The following LMBR1 variants were observed in gnomAD, a reference collection of about 807,000 sequenced individuals.
The protein encoded by LMBR1 is limb region 1 protein homolog.
LMBR1 carries 52 observed loss-of-function variants against 73.9 expected under a neutral mutation model. That is an observed-to-expected ratio of 0.70 (90% CI 0.56 to 0.89). The LOEUF is 0.89. Among genes scored for constraint, LMBR1 ranks in the 40% least tolerant of loss-of-function variants. LMBR1 has a pLI of 0.00. For synonymous variants in LMBR1, 215 were observed against 209.4 expected, an observed-to-expected ratio of 1.03 and a Z score of -0.23; for missense variants, 539 against 579.8, an observed-to-expected ratio of 0.93 and a Z score of 0.72.
In LMBR1 at chr7:156,725,751, A is replaced by G. The variant is rs754877817; in HGVS notation, c.1067+13T>C. On this transcript the variant is annotated intron_variant, in intron 13 of 16. Transcript: ENST00000353442. ...TTGTGGATAGGCTGAACGTTCAGTT[A>G]AAGAAAGGATACAAAATCAAAATGA... 1.2e-6 allele frequency: 2 copies of G among 1,610,270 alleles called. No individual in the cohort carries two copies. Among genetic ancestry groups the G allele is most frequent in the Non-Finnish European group, 1.7e-6 (2 of 1,177,984 alleles).
At chr7:156,789,006 C>A (rs1336892478) in intron 5 of LMBR1, among the ~76,000 whole-genome samples, 1 of 152,140 alleles carries the variant, frequency 6.6e-6, no homozygotes, top group African/African-American at 2.4e-5. Flanking sequence ...AAGATCTCGC[C>A]ATTGCACTCC....
chr7:156,833,281 C>CTGTTTGTTT (rs1837002402), intron 3 of LMBR1, among the ~76,000 whole-genome samples: 1 of 152,208 alleles, frequency 6.6e-6, no homozygotes, highest in African/African-American at 2.4e-5. Flanking sequence ...TCGCTGCTTT[C>CTGTTTGTTT]CATTCAGTTT....
chr7:156,709,826 T>C (rs547685927), intron 15 of LMBR1, among the ~76,000 whole-genome samples: 1 of 151,244 alleles, frequency 6.6e-6, no homozygotes, highest in East Asian at 2.0e-4. Flanking sequence ...AAGATCACAC[T>C]AGCTCCCTAG....
At chr7:156,702,832 A>G (rs573747423) in intron 15 of LMBR1, among the ~76,000 whole-genome samples, 5 of 152,360 alleles carry the variant, frequency 3.3e-5, no homozygotes, top group African/African-American at 9.6e-5. Flanking sequence ...AGCTTTATTC[A>G]CAACTGCCAA....
chr7:156,718,918 C>T (rs1813831438), intron 15 of LMBR1, among the ~76,000 whole-genome samples: 2 of 151,662 alleles, frequency 1.3e-5, no homozygotes, highest in South Asian at 4.2e-4. Flanking sequence ...AAAGGTAAGA[C>T]CTGAAACTGT....
chr7:156,851,541 C>T (rs1796236789), intron 1 of LMBR1, among the ~76,000 whole-genome samples: 2 of 152,146 alleles, frequency 1.3e-5, no homozygotes, highest in Non-Finnish European at 2.9e-5. Flanking sequence ...GACGACTATA[C>T]ACCAGATTAC....
chr7:156,755,210 G>A (rs1048666603), intron 9 of LMBR1, among the ~76,000 whole-genome samples: 32 of 152,240 alleles, frequency 2.1e-4, no homozygotes, highest in African/African-American at 6.3e-4. Flanking sequence ...ATCTAGCAAG[G>A]GTTTCCTTTT....
intron 9 of LMBR1, among the ~76,000 whole-genome samples, chr7:156,746,384 G>C (rs1454786091): frequency 6.6e-6 from 1 of 152,126 alleles, no homozygotes; most frequent in Admixed American, 6.6e-5. Context: ...AAGTATTCCT[G>C]ATGCCAATTT....
chr7:156,893,130 C>T lies in LMBR1; in HGVS notation c.-137G>A. 6.2e-6 allele frequency: 5 copies of T among 811,706 alleles called. No homozygotes were observed. The South Asian group carries it at 1.4e-4, about 23-fold the overall frequency. 50.3% of individuals were successfully genotyped at this position (811,706 alleles called of 1,614,324 possible). The stretch of plus-strand genomic sequence containing the variant: ...CCGCGAGCCGTGTTGGAACAGGTAC[C>T]GCGACCACGACACCGGCCGTCGCCT... On this transcript the variant is annotated 5_prime_UTR_variant, in exon 1 of 17. Coordinates refer to ENST00000353442, the MANE Select transcript of LMBR1 (RefSeq NM_022458.4).
chr7:156,819,131 C>T (rs936732035), intron 4 of LMBR1, among the ~76,000 whole-genome samples: 3 of 152,192 alleles, frequency 2.0e-5, no homozygotes, highest in African/African-American at 7.2e-5. Context: ...AGAGATACAT[C>T]TTGCTTACAT....
At chr7:156,794,760 T>C (rs1004754913) in intron 5 of LMBR1, among the ~76,000 whole-genome samples, 20 of 152,204 alleles carry the variant, frequency 1.3e-4, no homozygotes, top group African/African-American at 3.6e-4. Context: ...ACTTTGCTTA[T>C]TGAAAGCAAA....
intron 1 of LMBR1, among the ~76,000 whole-genome samples, chr7:156,864,411 A>G (rs1798161367): frequency 6.6e-6 from 1 of 152,224 alleles, no homozygotes; most frequent in African/African-American, 2.4e-5. Flanking sequence ...TTCACTCTAT[A>G]TTAATATGTT....
intron 15 of LMBR1, among the ~76,000 whole-genome samples, chr7:156,694,935 G>C (rs754567189): frequency 6.6e-6 from 1 of 152,142 alleles, no homozygotes; most frequent in Non-Finnish European, 1.5e-5. Flanking sequence ...ACAAACAAGA[G>C]AAAGTAAAAG....
intron 3 of LMBR1, among the ~76,000 whole-genome samples, chr7:156,828,101 C>T (rs1352159176): frequency 6.6e-6 from 1 of 152,200 alleles, no homozygotes; most frequent in Non-Finnish European, 1.5e-5. Flanking sequence ...CCTTCCTATG[C>T]TAAAATTGAG....
Position 156,680,467 on chromosome 7 carries a change from T to C in LMBR1, c.*3611A>G, listed in dbSNP as rs574730120. 6.6e-6 allele frequency: 1 copy of C among 152,078 alleles called. No homozygotes were observed. Among genetic ancestry groups the C allele is most frequent in the East Asian group, 1.9e-4 (1 of 5,164 alleles). The allele number at this position is 152,078 out of a possible 1,614,324, so 9.4% of individuals were successfully genotyped here. A position where few individuals can be genotyped will look rare whatever the true frequency, so the allele number is the denominator to read the frequency against. On this transcript the variant is annotated 3_prime_UTR_variant, in exon 17 of 17. Coordinates refer to ENST00000353442, the MANE Select transcript of LMBR1 (RefSeq NM_022458.4). The stretch of plus-strand genomic sequence containing the variant: ...CTGTGGTCAAAAAGTTGAAAGCCAC[T>C]GTAAGTAGGCTTCTGTCTGCCAGTA...
chr7:156,836,933 T>C (rs1837740401), intron 1 of LMBR1, 48 bp from the exon 2 acceptor site: 1 of 1,146,454 alleles, frequency 8.7e-7, no homozygotes, highest in African/African-American at 1.6e-5. Context: ...TGCATATCTT[T>C]TTTAAATACT....
intron 1 of LMBR1, among the ~76,000 whole-genome samples, chr7:156,887,069 T>C (rs1243608280): frequency 2.6e-5 from 4 of 152,206 alleles, no homozygotes; most frequent in Admixed American, 2.0e-4. Context: ...CATTACTACC[T>C]GATACTAATA....
chr7:156,686,178 T>C (rs939995101), intron 16 of LMBR1, among the ~76,000 whole-genome samples: 3 of 152,162 alleles, frequency 2.0e-5, no homozygotes, highest in Non-Finnish European at 4.4e-5. Flanking sequence ...ATTATCTGAG[T>C]TCACGCCTAA....
intron 15 of LMBR1, among the ~76,000 whole-genome samples, chr7:156,700,493 T>C (rs1010689177): frequency 2.0e-5 from 3 of 152,042 alleles, no homozygotes; most frequent in Non-Finnish European, 4.4e-5. Flanking sequence ...TGTATACATA[T>C]GTAACAAACC....
Sources: gnomAD v4.1 joint callset for allele counts (sites outside exome capture counted in the v4.1 genomes callset) on GRCh38, gnomAD v4.1.1 for gene constraint, MANE v1.5 for transcripts, NCBI Gene and HGNC (gene_info 2026-07-23, HGNC 2026-07-21) for gene names.